Variants in ADAMTSL1 observed in about 807,000 individuals in gnomAD.
ADAMTSL1 encodes ADAMTS like 1, also known as ADAMTS-like protein 1.
Under a neutral mutation model 201.8 loss-of-function variants are expected in ADAMTSL1, and 126 were observed. That is an observed-to-expected ratio of 0.62 (90% CI 0.54 to 0.72). The LOEUF is 0.72. Among genes scored for constraint, ADAMTSL1 ranks in the 30% least tolerant of loss-of-function variants. ADAMTSL1 has a pLI of 0.00. For synonymous variants in ADAMTSL1, 1,121 were observed against 903.4 expected (o/e 1.24, Z -4.32); for missense variants, 2,679 against 2,277.8 (o/e 1.18, Z -3.59).
At chr9:18,753,620 C>G (rs1330158488) in intron 16 of ADAMTSL1, 112 bp downstream of exon 16, 4 of 1,160,358 alleles carry the variant, frequency 3.4e-6, no homozygotes, top group Non-Finnish European at 5.0e-6. Flanking sequence ...TGTTCAAGAT[C>G]TGCTCATTTC....
intron 2 of ADAMTSL1, among the ~76,000 whole-genome samples, chr9:18,211,081 G>C (rs549637993): frequency 6.6e-6 from 1 of 151,986 alleles, no homozygotes; most frequent in African/African-American, 2.4e-5. Flanking sequence ...GTCCCTAGAC[G>C]ACCTCTCTAA....
At chr9:18,585,468 G>A (rs984911781) in intron 4 of ADAMTSL1, among the ~76,000 whole-genome samples, 1 of 152,024 alleles carries the variant, frequency 6.6e-6, no homozygotes, top group African/African-American at 2.4e-5. Context: ...TGCTTCTTCT[G>A]CCAATTCTGT....
intron 2 of ADAMTSL1, among the ~76,000 whole-genome samples, chr9:18,515,759 C>T (rs1157588793): frequency 6.6e-6 from 1 of 152,164 alleles, no homozygotes; most frequent in African/African-American, 2.4e-5. Context: ...CTAGGTACTA[C>T]TCTTTATCTA....
intron 14 of ADAMTSL1, among the ~76,000 whole-genome samples, chr9:18,709,131 C>T (rs2133344326): frequency 6.6e-6 from 1 of 152,276 alleles, no homozygotes; most frequent in East Asian, 1.9e-4. Flanking sequence ...AGTTATGTCA[C>T]TGTGCCAAGG....
chr9:18,452,351 G>A (rs1413843536), intron 2 of ADAMTSL1, among the ~76,000 whole-genome samples: 1 of 152,130 alleles, frequency 6.6e-6, no homozygotes, highest in Non-Finnish European at 1.5e-5. Flanking sequence ...CTTGCACTGG[G>A]GCTGACTTTC....
At chr9:18,427,265 C>G (rs569722004) in intron 2 of ADAMTSL1, among the ~76,000 whole-genome samples, 1 of 152,310 alleles carries the variant, frequency 6.6e-6, no homozygotes, top group South Asian at 2.1e-4. Context: ...TAGATTTGTA[C>G]TAATCGACTT....
chr9:18,574,460 A>G (rs1291721178), intron 4 of ADAMTSL1, 194 bp downstream of exon 4: 4 of 634,556 alleles, frequency 6.3e-6, no homozygotes, highest in Admixed American at 5.3e-5. Flanking sequence ...GGAAAAGTAG[A>G]CTAGAGTTAT....
intron 4 of ADAMTSL1, among the ~76,000 whole-genome samples, chr9:18,590,659 A>G (rs147543668): frequency 4.6e-4 from 70 of 152,196 alleles, no homozygotes; most frequent in African/African-American, 1.6e-3. Context: ...TTATTGCTAT[A>G]AATGTCCATC....
At chr9:18,052,490 G>A (rs1821982845) in intron 1 of ADAMTSL1, among the ~76,000 whole-genome samples, 1 of 152,132 alleles carries the variant, frequency 6.6e-6, no homozygotes, top group Non-Finnish European at 1.5e-5. Context: ...GCTGAGAGTG[G>A]ACGAATTTGC....
intron 26 of ADAMTSL1, among the ~76,000 whole-genome samples, chr9:18,893,723 G>C (rs1293427616): frequency 6.6e-6 from 1 of 152,164 alleles, no homozygotes; most frequent in African/African-American, 2.4e-5. Context: ...TGCTGATATT[G>C]TGCTTCAAAC....
At chr9:18,493,685 A>T (rs1031945010) in intron 1 of ADAMTSL1, among the ~76,000 whole-genome samples, 1 of 152,184 alleles carries the variant, frequency 6.6e-6, no homozygotes, top group East Asian at 1.9e-4. Context: ...TGCCCCCATG[A>T]TTCAGATTCA....
chr9:18,292,925 A>G (rs1451368396), intron 2 of ADAMTSL1, among the ~76,000 whole-genome samples: 1 of 152,156 alleles, frequency 6.6e-6, no homozygotes, highest in Admixed American at 6.5e-5. Flanking sequence ...TCATATATAC[A>G]TATATCCTAT....
intron 2 of ADAMTSL1, among the ~76,000 whole-genome samples, chr9:18,383,152 A>G (rs1837630881): frequency 6.6e-6 from 1 of 152,180 alleles, no homozygotes; most frequent in Admixed American, 6.5e-5. Flanking sequence ...ATTCTATATT[A>G]TAGGACTGTG....
In ADAMTSL1 at chr9:18,776,931, C is replaced by T; in HGVS notation, c.2702C>T (p.Ala901Val). 6.2e-7 allele frequency: 1 copy of T among 1,602,666 alleles called. No homozygotes were observed. Among genetic ancestry groups the T allele is most frequent in the Non-Finnish European group, 8.5e-7 (1 of 1,174,932 alleles). The change falls in exon 19 of 29, where the codon GCG (alanine) becomes GTG (valine). Residue 901 changes from alanine to valine, a missense_variant. Ala to Val is a moderately conservative substitution (Grantham distance 64). Coordinates refer to ENST00000380548, the MANE Select transcript of ADAMTSL1 (RefSeq NM_001040272.6). ...ACGGCGGTGGTGCTGCGCTGCCCGG[C>T]GCGCAGGGTCCGCAAGCCCCTCATC... ...PKTAVVLRCP[A>V]RRVRKPLITW...
rs145206594 is a variant in ADAMTSL1, at chr9:18,797,129, C to G, written c.3805+1605C>G. On this transcript the variant is annotated intron_variant, in intron 20 of 28. Coordinates refer to ENST00000380548, the MANE Select transcript of ADAMTSL1 (RefSeq NM_001040272.6). Reference sequence around the variant, plus strand: ...AGCCAGGGAAGAGAGACAGAGCAGCCAAAGAGGCACCAGGGAAGGGGAGGA... The same window carrying G: ...AGCCAGGGAAGAGAGACAGAGCAGCGAAAGAGGCACCAGGGAAGGGGAGGA... Among the ~76,000 whole-genome samples the G allele has an allele frequency of 5.4e-3, 820 of 152,200 alleles. 3 individuals carry two copies. The highest frequency in any genetic ancestry group is 0.024 in the Middle Eastern group (7 of 294).
chr9:18,299,602 G>A (rs1337172814), intron 2 of ADAMTSL1, among the ~76,000 whole-genome samples: 1 of 152,138 alleles, frequency 6.6e-6, no homozygotes, highest in Non-Finnish European at 1.5e-5. Context: ...ACAAATAATG[G>A]GACGTGCTCA....
chr9:18,381,449 A>G (rs1490092361), intron 2 of ADAMTSL1, among the ~76,000 whole-genome samples: 1 of 152,182 alleles, frequency 6.6e-6, no homozygotes, highest in Non-Finnish European at 1.5e-5. Flanking sequence ...TATGGCTTAG[A>G]AAAGTTAAGG....
At chr9:18,574,621 T>TGTG in intron 4 of ADAMTSL1, 4 of 225,180 alleles carry the variant, frequency 1.8e-5, no homozygotes, top group Non-Finnish European at 3.4e-5. Context: ...GTGTGTGTAT[T>TGTG]TAGAGACTGG....
At chr9:18,199,815 T>C (rs772731314) in intron 2 of ADAMTSL1, among the ~76,000 whole-genome samples, 2 of 152,140 alleles carry the variant, frequency 1.3e-5, no homozygotes, top group Non-Finnish European at 2.9e-5. Context: ...ATGTGTGTGC[T>C]AAGTAAGGAT....
Sources: allele counts gnomAD v4.1 joint callset (sites outside exome capture counted in the v4.1 genomes callset), GRCh38; gene constraint gnomAD v4.1.1; transcripts MANE v1.5; gene names NCBI Gene and HGNC (gene_info 2026-07-23, HGNC 2026-07-21).